Variants in CTNNA3 observed in about 807,000 individuals in gnomAD.
The protein encoded by CTNNA3 is catenin alpha 3.
CTNNA3 carries 76 observed loss-of-function variants against 95.7 expected under a neutral mutation model. The ratio of observed to expected loss-of-function variants is 0.79; its 90% CI spans 0.66 to 0.96. The LOEUF is 0.96. Among genes scored for constraint, CTNNA3 ranks in the 40% least tolerant of loss-of-function variants. The pLI is 0.00. For synonymous variants in CTNNA3, 431 were observed against 374.4 expected (o/e 1.15, Z -1.74); for missense variants, 1,191 against 1,089.8 (o/e 1.09, Z -1.31).
chr10:66,676,563 T>A (rs1419265516), intron 9 of CTNNA3, among the ~76,000 whole-genome samples: 1 of 152,044 alleles, frequency 6.6e-6, no homozygotes, highest in Admixed American at 6.6e-5. Context: ...ACTTCAAACT[T>A]CAGAGAAACC....
intron 13 of CTNNA3, among the ~76,000 whole-genome samples, chr10:66,245,461 T>C (rs1049219239): frequency 2.0e-5 from 3 of 152,160 alleles, no homozygotes; most frequent in African/African-American, 7.2e-5. Flanking sequence ...GTTCTGCCAT[T>C]CAGTGGCTCC....
chr10:67,599,358 C>T (rs370956846), intron 3 of CTNNA3, among the ~76,000 whole-genome samples: 3 of 152,208 alleles, frequency 2.0e-5, no homozygotes, highest in South Asian at 2.1e-4. Flanking sequence ...ATAACCAAAA[C>T]TTACTATCAT....
At chr10:67,016,660 A>T (rs1009209178) in intron 7 of CTNNA3, among the ~76,000 whole-genome samples, 1 of 152,178 alleles carries the variant, frequency 6.6e-6, no homozygotes, top group African/African-American at 2.4e-5. Context: ...TTTTGGGGGA[A>T]AGGCACCTAT....
At chr10:66,542,658 T>A (rs1232506639) in intron 10 of CTNNA3, among the ~76,000 whole-genome samples, 4 of 149,424 alleles carry the variant, frequency 2.7e-5, no homozygotes, top group African/African-American at 9.9e-5. Context: ...AAACACCGCA[T>A]GTTCTCACTC....
intron 7 of CTNNA3, among the ~76,000 whole-genome samples, chr10:66,842,111 T>C (rs190307669): frequency 0.012 from 1,864 of 152,046 alleles, 17 homozygotes; most frequent in South Asian, 0.031. Flanking sequence ...TTTTTCTTTT[T>C]TTCTTTTTTT....
intron 6 of CTNNA3, among the ~76,000 whole-genome samples, chr10:67,198,485 A>G (rs1305475516): frequency 6.6e-6 from 1 of 152,228 alleles, no homozygotes; most frequent in East Asian, 1.9e-4. Flanking sequence ...GCTAGGATAT[A>G]GAGATACTGA....
chr10:66,933,831 G>A lies in CTNNA3; in HGVS notation c.1048-158307C>T, dbSNP rs541092866. On this transcript the variant is annotated intron_variant, in intron 7 of 17. Coordinates refer to ENST00000433211, the MANE Select transcript of CTNNA3 (RefSeq NM_013266.4). ...AAGGCTTCCTCCGCTGGATGTAGCT[G>A]CTCTTACCAATATGAAGTAGCAGGT... is the stretch of plus-strand genomic sequence containing the variant. Among the ~76,000 whole-genome samples, 3 of 152,256 alleles carry A rather than the reference G, an allele frequency of 2.0e-5. No individual in the cohort carries two copies. The South Asian group carries it at 6.2e-4, about 32-fold the overall frequency.
At chr10:66,354,813 T>C (rs1453893356) in intron 12 of CTNNA3, among the ~76,000 whole-genome samples, 1 of 152,044 alleles carries the variant, frequency 6.6e-6, no homozygotes, top group Admixed American at 6.5e-5. Flanking sequence ...TTGTACATCA[T>C]AGCATCTCAC....
At chr10:67,525,096 G>T (rs1840102193) in intron 4 of CTNNA3, among the ~76,000 whole-genome samples, 1 of 151,910 alleles carries the variant, frequency 6.6e-6, no homozygotes, top group Non-Finnish European at 1.5e-5. Context: ...ATAGTTTTGA[G>T]TGGGAATTTA....
intron 5 of CTNNA3, among the ~76,000 whole-genome samples, chr10:67,234,834 T>C (rs1227857587): frequency 1.3e-5 from 2 of 151,200 alleles, no homozygotes; most frequent in East Asian, 1.9e-4. Flanking sequence ...ACAAAATCAA[T>C]GTACAAAAAT....
At chr10:67,371,088 G>C (rs928509646) in intron 5 of CTNNA3, among the ~76,000 whole-genome samples, 1 of 151,404 alleles carries the variant, frequency 6.6e-6, no homozygotes, top group East Asian at 1.9e-4. Flanking sequence ...GGATGGTCTC[G>C]ATCTCCTGAC....
At position 66,927,768 on chromosome 10, in the gene CTNNA3, C is replaced by T. The variant is rs774779160; in HGVS notation, c.1048-152244G>A. 1.5e-5 allele frequency: 24 copies of T among 1,614,062 alleles called. 1 individual carries two copies. The African/African-American group carries it at 2.3e-4, about 15-fold the overall frequency. Reference sequence around the variant, plus strand: ...GTGTCCCGAATCTGCAGCGCCTCAACCTGGATTCCAACAAGCTCACATTTA... The same window carrying T: ...GTGTCCCGAATCTGCAGCGCCTCAATCTGGATTCCAACAAGCTCACATTTA... On this transcript the variant is annotated intron_variant, in intron 7 of 17. Coordinates refer to ENST00000433211, the MANE Select transcript of CTNNA3 (RefSeq NM_013266.4). This position sits in a 1 kb window ranked among gnomAD's most constrained non-coding sequence, Gnocchi z 4.7.
chr10:67,665,495 G>A (rs1840310825), intron 1 of CTNNA3: 1 of 152,124 alleles, frequency 6.6e-6, no homozygotes, highest in South Asian at 2.1e-4. Context: ...ACTAGGATTT[G>A]CCTTATAGCA....
intron 1 of CTNNA3, among the ~76,000 whole-genome samples, chr10:67,713,750 A>G (rs1369114757): frequency 6.6e-6 from 1 of 152,192 alleles, no homozygotes; most frequent in African/African-American, 2.4e-5. Flanking sequence ...ATAGATGGAC[A>G]TAGGGAAGGG....
At chr10:67,321,626 T>G (rs1841323186) in intron 5 of CTNNA3, among the ~76,000 whole-genome samples, 1 of 152,156 alleles carries the variant, frequency 6.6e-6, no homozygotes, top group Non-Finnish European at 1.5e-5. Context: ...GCCCTCTTCT[T>G]ACCTTATCCT....
chr10:66,717,347 T>C (rs528634939), intron 9 of CTNNA3, among the ~76,000 whole-genome samples: 1 of 152,272 alleles, frequency 6.6e-6, no homozygotes, highest in African/African-American at 2.4e-5. Flanking sequence ...ATGTACTATA[T>C]ACCTTATCTT....
chr10:66,290,650 C>T (rs1375081397), intron 12 of CTNNA3, among the ~76,000 whole-genome samples: 2 of 152,002 alleles, frequency 1.3e-5, no homozygotes, highest in Non-Finnish European at 2.9e-5. Flanking sequence ...ATCAGATTAT[C>T]GTCTGCAGAG....
rs866786700 is a variant in CTNNA3, at chr10:67,412,144, C to T, written c.579+109698G>A. Among the ~76,000 whole-genome samples the T allele has an allele frequency of 5.9e-5, 9 of 152,150 alleles. No homozygotes were observed. The South Asian group carries it at 8.3e-4, about 14-fold the overall frequency. On this transcript the variant is annotated intron_variant, in intron 5 of 17. Coordinates refer to ENST00000433211, the MANE Select transcript of CTNNA3 (RefSeq NM_013266.4). ...CCATTGAGTTGGCAAATGCAACATC[C>T]TTCTAAATATTTTTCCTAAAACATC...
At chr10:67,144,285 A>G (rs1860738898) in intron 7 of CTNNA3, among the ~76,000 whole-genome samples, 1 of 152,192 alleles carries the variant, frequency 6.6e-6, no homozygotes, top group Non-Finnish European at 1.5e-5. Flanking sequence ...GTTTAGCATA[A>G]TTCAAGGGCC....
Sources: gnomAD v4.1 joint callset for allele counts (sites outside exome capture counted in the v4.1 genomes callset) on GRCh38, gnomAD v4.1.1 for gene constraint, Gnocchi (gnomAD v3.1) non-coding constraint, MANE v1.5 for transcripts, NCBI Gene and HGNC (gene_info 2026-07-23, HGNC 2026-07-21) for gene names.